LYST: variants seen among roughly 807,000 people sequenced by gnomAD.
LYST encodes the protein lysosomal trafficking regulator, also known as lysosomal-trafficking regulator.
A neutral mutation model predicts 413.6 loss-of-function variants in LYST; 192 were observed. The ratio of observed to expected loss-of-function variants is 0.46; its 90% CI spans 0.41 to 0.52. The LOEUF (loss-of-function observed/expected upper bound fraction) is 0.52. Among genes scored for constraint, LYST ranks in the 20% least tolerant of loss-of-function variants. LYST has a pLI of 0.00. For synonymous variants in LYST, 1,525 were observed against 1,567.3 expected (o/e 0.97, Z 0.64); for missense variants, 3,815 against 4,499.9 (o/e 0.85, Z 4.35).
At chr1:235,882,596 T>C (rs571571121) in intron 1 of LYST, among the ~76,000 whole-genome samples, 6 of 152,038 alleles carry the variant, frequency 3.9e-5, no homozygotes, top group African/African-American at 1.2e-4. Flanking sequence ...GCTGAGGGTA[T>C]TGGAAATGGA....
chr1:235,809,287 G>A lies in LYST; in HGVS notation c.1531C>T (p.His511Tyr). ...HRRCEYSHFM[H>Y]HHRDLSGLLV... is the part of the protein sequence containing the mutation. ...AGACCTGAGAGATCTCGGTGATGAT[G>A]CATAAAATGAGAATATTCACATCGT... is the stretch of plus-strand genomic sequence containing the variant. The change falls in exon 5 of 53, where the codon CAT becomes TAT. Residue 511 changes from histidine to tyrosine, a missense_variant. Around this residue, in one of 4 missense-constraint regions of LYST, gnomAD observed 1,648 missense variants for 1,810.3 expected, o/e 0.91. Coordinates refer to ENST00000389793, the MANE Select transcript of LYST (RefSeq NM_000081.4). This position sits in a 1 kb window ranked among gnomAD's most constrained non-coding sequence, Gnocchi z 4.0. 2 of 1,614,000 alleles carry A rather than the reference G, an allele frequency of 1.2e-6. No individual in the cohort carries two copies. The highest frequency in any genetic ancestry group is 1.7e-6 in the Non-Finnish European group (2 of 1,179,934).
At chr1:235,706,743 A>G (rs1368052855) in intron 44 of LYST, among the ~76,000 whole-genome samples, 1 of 152,208 alleles carries the variant, frequency 6.6e-6, no homozygotes, top group Non-Finnish European at 1.5e-5. Flanking sequence ...GAACTTTTCC[A>G]TAGCATTTAT....
chr1:235,688,915 G>C (rs1329066011), intron 47 of LYST, among the ~76,000 whole-genome samples: 1 of 151,458 alleles, frequency 6.6e-6, no homozygotes, highest in Non-Finnish European at 1.5e-5. Context: ...AACCCAGGAG[G>C]GGGAGGTTGC....
At chr1:235,794,903 C>A (rs930682593) in intron 10 of LYST, among the ~76,000 whole-genome samples, 1 of 152,052 alleles carries the variant, frequency 6.6e-6, no homozygotes, top group Non-Finnish European at 1.5e-5. Context: ...GATATATACA[C>A]TTGCTTCTGT....
chr1:235,843,449 C>T (rs1054588764), intron 1 of LYST, among the ~76,000 whole-genome samples: 5 of 152,060 alleles, frequency 3.3e-5, no homozygotes, highest in Non-Finnish European at 7.4e-5. Flanking sequence ...AGTTTGGCTG[C>T]CTCTTCCATA....
At chr1:235,690,955 T>C (rs552538844) in intron 47 of LYST, among the ~76,000 whole-genome samples, 3 of 151,152 alleles carry the variant, frequency 2.0e-5, no homozygotes, top group South Asian at 4.2e-4. Context: ...CTCGTTCTGT[T>C]GCCCAGGCTG....
chr1:235,858,038 C>A (rs1022503538), intron 1 of LYST, among the ~76,000 whole-genome samples: 1 of 152,160 alleles, frequency 6.6e-6, no homozygotes, highest in East Asian at 1.9e-4. Context: ...GTATGACTAT[C>A]TTCCTTTCCA....
intron 1 of LYST, among the ~76,000 whole-genome samples, chr1:235,860,146 G>C (rs969763802): frequency 2.0e-5 from 3 of 151,918 alleles, no homozygotes; most frequent in Non-Finnish European, 4.4e-5. Context: ...AATTCTTCAG[G>C]TTTCTGGCAG....
intron 31 of LYST, chr1:235,737,693 GAAT>G (rs1326278463): frequency 3.2e-5 from 5 of 158,560 alleles, no homozygotes; most frequent in Non-Finnish European, 6.8e-5. Flanking sequence ...ATATCAAACT[GAAT>G]AATGACTGCA....
chr1:235,835,333 A>C (rs1009446339), intron 1 of LYST, among the ~76,000 whole-genome samples: 4 of 152,180 alleles, frequency 2.6e-5, no homozygotes, highest in African/African-American at 4.8e-5. Flanking sequence ...AGCTGCTCTG[A>C]CTACTACCAC....
chr1:235,714,890 A>G (rs1662702155), intron 42 of LYST, among the ~76,000 whole-genome samples: 1 of 152,246 alleles, frequency 6.6e-6, no homozygotes, highest in Non-Finnish European at 1.5e-5. Flanking sequence ...TGTCTTTAAA[A>G]AGTGAACTGC....
chr1:235,865,389 ATTTG>A (rs1447674899), intron 1 of LYST, among the ~76,000 whole-genome samples: 1 of 151,994 alleles, frequency 6.6e-6, no homozygotes, highest in Non-Finnish European at 1.5e-5. Context: ...CACATATTTT[ATTTG>A]TTTATTATCT....
chr1:235,811,652 T>C (rs1673459706), intron 4 of LYST, among the ~76,000 whole-genome samples: 1 of 152,124 alleles, frequency 6.6e-6, no homozygotes, highest in South Asian at 2.1e-4. Context: ...GTAAGAGCTA[T>C]ATAAAAAAGT....
intron 50 of LYST, among the ~76,000 whole-genome samples, chr1:235,675,902 TAGAAAAAA>T (rs1215989333): frequency 6.6e-6 from 1 of 152,080 alleles, no homozygotes; most frequent in East Asian, 1.9e-4. Context: ...CATTTTGTGT[TAGAAAAAA>T]AGAAACAATG....
At chr1:235,760,565 C>T (rs752621897) in intron 22 of LYST, among the ~76,000 whole-genome samples, 1 of 152,138 alleles carries the variant, frequency 6.6e-6, no homozygotes, top group Non-Finnish European at 1.5e-5. Flanking sequence ...GGACTGGTAG[C>T]ATGGGCATCA....
At position 235,799,928 on chromosome 1, in the gene LYST, C is replaced by CTTT. The variant is rs67988872; in HGVS notation, c.4006+389_4006+391dup. On this transcript the variant is annotated intron_variant, in intron 10 of 52. Coordinates refer to ENST00000389793, the MANE Select transcript of LYST (RefSeq NM_000081.4). ...CACAGAGCACTATGCCAATGGAAGC[C>CTTT]TTTTTTTTTTTTTTTTTTTTTTTTT... 6.3e-5 allele frequency among the ~76,000 whole-genome samples: 4 copies of CTTT among 63,482 alleles called. 1 individual carries two copies. The highest frequency in any genetic ancestry group is 1.1e-4 in the Non-Finnish European group (4 of 35,146). 41.6% of individuals were successfully genotyped at this position (63,482 alleles called of 152,430 possible). A position where few individuals can be genotyped will look rare whatever the true frequency, so the allele number is the denominator to read the frequency against.
intron 50 of LYST, among the ~76,000 whole-genome samples, chr1:235,675,248 G>T (rs968400944): frequency 7.2e-5 from 11 of 152,240 alleles, no homozygotes; most frequent in African/African-American, 1.9e-4. Context: ...GCCCAGACTT[G>T]TTCTATAAAC....
rs1256934226 is a variant in LYST at position 235,766,241 on chromosome 1, C to T, written c.5959G>A (p.Glu1987Lys). The T allele has an allele frequency of 9.9e-6, 16 of 1,613,026 alleles. No homozygotes were observed. Among genetic ancestry groups the T allele is most frequent in the Non-Finnish European group, 1.4e-5 (16 of 1,179,498 alleles). Reference sequence around the variant, plus strand: ...ATTTTCACAAATGATCTACAAACCTCTCGGGGCATGGGTGTGAGTTGCCCC... The same window carrying T: ...ATTTTCACAAATGATCTACAAACCTTTCGGGGCATGGGTGTGAGTTGCCCC... ...KEGQLTPMPR[E>K]VCRSFVKIIA... The change falls in exon 21 of 53, where the codon GAG becomes AAG. Residue 1987 changes from glutamate (E) to lysine (K), a missense_variant. Physicochemically the swap from Glu to Lys is moderately conservative, Grantham distance 56. This residue lies in a region of LYST where 530 missense variants were observed against 696.5 expected (regional missense o/e 0.76). Transcript: ENST00000389793.
chr1:235,696,153 A>G (rs1661085732), intron 46 of LYST, among the ~76,000 whole-genome samples: 1 of 152,228 alleles, frequency 6.6e-6, no homozygotes, highest in Admixed American at 6.5e-5. Context: ...TCTAACAACT[A>G]TAAAACAATC....
Sources: allele counts gnomAD v4.1 joint callset (sites outside exome capture counted in the v4.1 genomes callset), GRCh38; gene constraint gnomAD v4.1.1; regional missense constraint gnomAD v4.1.1; non-coding constraint Gnocchi (gnomAD v3.1); transcripts MANE v1.5; gene names NCBI Gene and HGNC (gene_info 2026-07-23, HGNC 2026-07-21).